Variants in ZFYVE28 observed in about 807,000 individuals in gnomAD.
ZFYVE28 encodes lateral signaling target protein 2 homolog.
Under a neutral mutation model 82.1 loss-of-function variants are expected in ZFYVE28, and 40 were observed. That is an observed-to-expected ratio of 0.49 (90% CI 0.38 to 0.63). ZFYVE28 has a LOEUF of 0.63. Among genes scored for constraint, ZFYVE28 ranks in the 30% least tolerant of loss-of-function variants. The pLI, the probability that ZFYVE28 is intolerant of heterozygous loss-of-function variation, is 0.00. For synonymous variants in ZFYVE28, 612 were observed against 546.1 expected, an observed-to-expected ratio of 1.12 and a Z score of -1.68; for missense variants, 1,321 against 1,242.1, an observed-to-expected ratio of 1.06 and a Z score of -0.96.
chr4:2,358,743 G>A (rs1247253992), intron 1 of ZFYVE28, among the ~76,000 whole-genome samples: 1 of 152,050 alleles, frequency 6.6e-6, no homozygotes, highest in Non-Finnish European at 1.5e-5. Context: ...TTCAAACATT[G>A]AAGTCCTAAC....
chr4:2,334,868 C>G (rs1369069920), intron 6 of ZFYVE28, among the ~76,000 whole-genome samples: 22 of 105,920 alleles, frequency 2.1e-4, no homozygotes, highest in African/African-American at 5.8e-4. Flanking sequence ...CCGCCTCCCC[C>G]CCAGCTGCAA....
At chr4:2,321,505 C>A (rs1719067045) in intron 6 of ZFYVE28, among the ~76,000 whole-genome samples, 1 of 152,114 alleles carries the variant, frequency 6.6e-6, no homozygotes, top group African/African-American at 2.4e-5. Flanking sequence ...GTCTTGACCA[C>A]CTGTGGGTGA....
chr4:2,318,415 G>C (rs544586785), intron 7 of ZFYVE28, among the ~76,000 whole-genome samples: 53 of 152,248 alleles, frequency 3.5e-4, no homozygotes, highest in African/African-American at 1.2e-3. Context: ...AAAATTAGCC[G>C]GGCATGGTGG....
chr4:2,319,330 C>A (rs1208608461), intron 7 of ZFYVE28, among the ~76,000 whole-genome samples: 12 of 152,212 alleles, frequency 7.9e-5, no homozygotes, highest in Non-Finnish European at 1.5e-4. Context: ...AGCACCCCTG[C>A]CCCTGAACCC....
At chr4:2,343,005 A>T (rs1241216320) in intron 2 of ZFYVE28, 1 of 152,192 alleles carries the variant, frequency 6.6e-6, no homozygotes, top group African/African-American at 2.4e-5. Flanking sequence ...GCAACATGTT[A>T]TTACATCTGT....
chr4:2,415,408 G>A (rs1489174770), intron 1 of ZFYVE28, among the ~76,000 whole-genome samples: 1 of 151,444 alleles, frequency 6.6e-6, no homozygotes, highest in Non-Finnish European at 1.5e-5. Flanking sequence ...CTTGAGGCCA[G>A]GAATTTGAGT....
intron 8 of ZFYVE28, among the ~76,000 whole-genome samples, chr4:2,289,229 C>T (rs1431428817): frequency 6.6e-6 from 1 of 152,112 alleles, no homozygotes; most frequent in Admixed American, 6.5e-5. Flanking sequence ...TTACAGCGAG[C>T]CAAGATCATG....
chr4:2,296,306 G>A (rs1052637362), intron 8 of ZFYVE28, among the ~76,000 whole-genome samples: 3 of 152,276 alleles, frequency 2.0e-5, no homozygotes, highest in Admixed American at 6.5e-5. Flanking sequence ...AGGCATCACC[G>A]AGCTTGCTAA....
At chr4:2,279,602 A>G (rs902747447) in intron 8 of ZFYVE28, among the ~76,000 whole-genome samples, 1 of 151,890 alleles carries the variant, frequency 6.6e-6, no homozygotes, top group Non-Finnish European at 1.5e-5. Context: ...ACACGATGAA[A>G]CCCTGTCTCT....
intron 6 of ZFYVE28, among the ~76,000 whole-genome samples, chr4:2,321,043 C>T (rs1460602194): frequency 6.6e-6 from 1 of 152,114 alleles, no homozygotes; most frequent in Non-Finnish European, 1.5e-5. Context: ...GCCCGTCTCT[C>T]CTTGAGGGCA....
chr4:2,338,661 T>A (rs1046541040), intron 4 of ZFYVE28, among the ~76,000 whole-genome samples: 1 of 152,128 alleles, frequency 6.6e-6, no homozygotes, highest in Non-Finnish European at 1.5e-5. Flanking sequence ...ATTTAGAAAA[T>A]TTGGGGAAGA....
intron 1 of ZFYVE28, among the ~76,000 whole-genome samples, chr4:2,406,187 C>A (rs1247957324): frequency 6.6e-6 from 1 of 151,980 alleles, no homozygotes; most frequent in Non-Finnish European, 1.5e-5. Context: ...GCCTGGCCAA[C>A]ATGATGAAAC....
At chr4:2,330,443 C>A in intron 6 of ZFYVE28, 1 of 1,057,358 alleles carries the variant, frequency 9.5e-7, no homozygotes, top group Non-Finnish European at 1.1e-6. Context: ...ATGGAGGGGA[C>A]AGCACGGAGG....
chr4:2,295,189 T>C (rs1714350611), intron 8 of ZFYVE28, among the ~76,000 whole-genome samples: 1 of 152,046 alleles, frequency 6.6e-6, no homozygotes, highest in African/African-American at 2.4e-5. Flanking sequence ...TGAGATGGAG[T>C]GTCACTCTGT....
At chr4:2,369,016 G>A (rs1727210184) in intron 1 of ZFYVE28, among the ~76,000 whole-genome samples, 1 of 152,230 alleles carries the variant, frequency 6.6e-6, no homozygotes, top group African/African-American at 2.4e-5. Flanking sequence ...CACCCTGGTG[G>A]CTGTGAAGTG....
intron 8 of ZFYVE28, among the ~76,000 whole-genome samples, chr4:2,297,334 C>T (rs1055471874): frequency 2.6e-5 from 4 of 152,314 alleles, no homozygotes; most frequent in South Asian, 4.1e-4. Flanking sequence ...CGGGATAGAC[C>T]GGCTGCAGGC....
At chr4:2,345,939 CA>C (rs1263889701) in intron 2 of ZFYVE28, among the ~76,000 whole-genome samples, 1 of 151,974 alleles carries the variant, frequency 6.6e-6, no homozygotes, top group Non-Finnish European at 1.5e-5. Context: ...CTGTACCCAG[CA>C]AAAATATCTT....
intron 1 of ZFYVE28, among the ~76,000 whole-genome samples, chr4:2,361,421 C>T (rs1471806108): frequency 1.3e-5 from 2 of 152,116 alleles, no homozygotes; most frequent in African/African-American, 4.8e-5. Context: ...GAGAGAGACG[C>T]GGTGCGCACG....
intron 7 of ZFYVE28, among the ~76,000 whole-genome samples, chr4:2,313,209 G>C (rs530808804): frequency 1.3e-5 from 2 of 149,556 alleles, no homozygotes; most frequent in African/African-American, 4.9e-5. Context: ...GTTTCTTTAC[G>C]GTCTGTCATA....
Sources: gnomAD v4.1 joint callset for allele counts (sites outside exome capture counted in the v4.1 genomes callset) on GRCh38, gnomAD v4.1.1 for gene constraint, MANE v1.5 for transcripts, NCBI Gene and HGNC (gene_info 2026-07-23, HGNC 2026-07-21) for gene names.